Variants in AFF1 observed in about 807,000 individuals in gnomAD.
The protein encoded by AFF1 is AF4/FMR2 family member 1.
A neutral mutation model predicts 121.7 loss-of-function variants in AFF1; 48 were observed. The ratio of observed to expected loss-of-function variants is 0.39; its 90% CI spans 0.31 to 0.50. AFF1 has a LOEUF of 0.50. Ranked by LOEUF, AFF1 falls within the 20% of genes least tolerant of loss-of-function variation. AFF1 has a pLI of 0.76. For missense variants in AFF1, 1,523 were observed against 1,511.7 expected (o/e 1.01, Z -0.12); for synonymous variants, 613 against 563.0 (o/e 1.09, Z -1.26).
At chr4:87,057,807 T>C (rs1720303000) in intron 4 of AFF1, among the ~76,000 whole-genome samples, 1 of 152,144 alleles carries the variant, frequency 6.6e-6, no homozygotes, top group South Asian at 2.1e-4. Flanking sequence ...ATGAAAAGCC[T>C]AGTGAAAGAA....
chr4:86,947,164 A>G (rs1211291178), intron 1 of AFF1, among the ~76,000 whole-genome samples: 3 of 152,168 alleles, frequency 2.0e-5, no homozygotes, highest in Non-Finnish European at 4.4e-5. Context: ...TGGAGAATTG[A>G]GAAAACTTGC....
Position 87,114,835 on chromosome 4 carries a change from C to G in AFF1, c.2002C>G (p.Pro668Ala), listed in dbSNP as rs752507732. The G allele has an allele frequency of 1.4e-5, 22 of 1,613,730 alleles. No individual in the cohort carries two copies. The South Asian group carries it at 1.6e-4, about 12-fold the overall frequency. The change falls in exon 12 of 21, where the codon CCA (proline) becomes GCA (alanine). Residue 668 changes from proline (P) to alanine (A), a missense_variant. Physicochemically the swap from Pro to Ala is conservative, Grantham distance 27 (BLOSUM62 -1). Around this residue, in one of 5 missense-constraint regions of AFF1, gnomAD observed 905 missense variants for 842.5 expected, o/e 1.07. Transcript: ENST00000395146. The part of the protein sequence containing the change: ...PRAAASNEPK[P>A]AVPPSSEKKK... ...GGCCGCAGCAAGCAACGAACCCAAGCCAGCAGTGCCCCCCTCCAGTGAGAA... is the reference window on the plus strand; with the variant it reads ...GGCCGCAGCAAGCAACGAACCCAAGGCAGCAGTGCCCCCCTCCAGTGAGAA...
intron 2 of AFF1, among the ~76,000 whole-genome samples, chr4:86,979,648 G>T (rs895753679): frequency 1.3e-5 from 2 of 152,248 alleles, no homozygotes; most frequent in South Asian, 2.1e-4. Flanking sequence ...AATATGAAAA[G>T]ATACTCAGTC....
At chr4:87,058,522 G>A (rs925845757) in intron 4 of AFF1, among the ~76,000 whole-genome samples, 6 of 149,328 alleles carry the variant, frequency 4.0e-5, no homozygotes, top group African/African-American at 9.9e-5. Context: ...TGCCACCCCC[G>A]CCCCCAAATC....
At chr4:87,017,075 G>A (rs550758329) in intron 2 of AFF1, among the ~76,000 whole-genome samples, 32 of 146,576 alleles carry the variant, frequency 2.2e-4, no homozygotes, top group African/African-American at 7.3e-4. Flanking sequence ...ATATATATGT[G>A]TGTGTGTGTA....
intron 12 of AFF1, among the ~76,000 whole-genome samples, chr4:87,123,954 CAT>C (rs1727966647): frequency 1.3e-5 from 2 of 152,304 alleles, no homozygotes; most frequent in African/African-American, 4.8e-5. Context: ...TCTAAATGCA[CAT>C]GAGAATTAAT....
chr4:86,983,399 G>T (rs1351897571), intron 2 of AFF1, among the ~76,000 whole-genome samples: 1 of 151,976 alleles, frequency 6.6e-6, no homozygotes, highest in Non-Finnish European at 1.5e-5. Flanking sequence ...GGTGGCACAT[G>T]CCTGTAGTCG....
rs566557901 is a variant in AFF1, at chr4:87,140,077, C to G, written c.*4376C>G. On this transcript the variant is annotated 3_prime_UTR_variant, in exon 21 of 21. Coordinates refer to ENST00000395146, the MANE Select transcript of AFF1 (RefSeq NM_001166693.3). ...TACCTAAGAGGGCAGGAGGGAAACC[C>G]TACAGCTCCTTGTGAGCCTATATAT... The G allele has an allele frequency of 4.9e-6, 1 of 205,056 alleles. No homozygotes were observed. The allele number at this position is 205,056 out of a possible 1,614,324, so 12.7% of individuals were successfully genotyped here. A position where few individuals can be genotyped will look rare whatever the true frequency, so the allele number is the denominator to read the frequency against.
intron 12 of AFF1, among the ~76,000 whole-genome samples, chr4:87,123,692 C>G (rs1727943229): frequency 6.6e-6 from 1 of 151,970 alleles, no homozygotes; most frequent in Non-Finnish European, 1.5e-5. Flanking sequence ...TGTTTTTTTT[C>G]TGTTTTCTAT....
At chr4:86,942,593 C>T (rs1720541340) in intron 1 of AFF1, among the ~76,000 whole-genome samples, 1 of 152,224 alleles carries the variant, frequency 6.6e-6, no homozygotes, top group Non-Finnish European at 1.5e-5. Flanking sequence ...TGTTTGTTCT[C>T]AGCCAGTGGT....
intron 14 of AFF1, 88 bp from the exon 15 acceptor site, chr4:87,126,938 A>G: frequency 9.0e-7 from 1 of 1,116,628 alleles, no homozygotes; most frequent in Non-Finnish European, 1.3e-6. Context: ...TGAAACTACT[A>G]TTTCGGGCTA....
chr4:87,124,976 TTC>T, intron 12 of AFF1, 59 bp from the exon 13 acceptor site: 1 of 1,391,618 alleles, frequency 7.2e-7, no homozygotes, highest in Non-Finnish European at 9.6e-7. Context: ...ATATTTTCTT[TTC>T]TGTTTTGTCT....
intron 2 of AFF1, among the ~76,000 whole-genome samples, chr4:86,954,853 A>G (rs1236530353): frequency 1.3e-5 from 2 of 152,242 alleles, no homozygotes; most frequent in Non-Finnish European, 2.9e-5. Flanking sequence ...CTGAAGCAGA[A>G]GAAAATCCAT....
Position 87,046,350 on chromosome 4 carries a change from C to T in AFF1, c.159+64C>T. The T allele has an allele frequency of 7.6e-6, 12 of 1,569,184 alleles. No individual in the cohort carries two copies. The South Asian group carries it at 1.3e-4, about 17-fold the overall frequency. On this transcript the variant is annotated intron_variant, in intron 3 of 20. Coordinates refer to ENST00000395146, the MANE Select transcript of AFF1 (RefSeq NM_001166693.3). ...CACAATGTTGAACCCTATGATGAAA[C>T]AATTCAGTATAATTGAGTTCGAACA...
At chr4:87,131,335 A>G in intron 17 of AFF1, 116 bp downstream of exon 17, 1 of 1,370,154 alleles carries the variant, frequency 7.3e-7, no homozygotes, top group Non-Finnish European at 1.0e-6. Flanking sequence ...GCCTTAAAAA[A>G]GTTATTGGTC....
intron 2 of AFF1, among the ~76,000 whole-genome samples, chr4:87,040,405 AAGTT>A (rs1209814796): frequency 6.6e-6 from 1 of 152,180 alleles, no homozygotes; most frequent in Non-Finnish European, 1.5e-5. Context: ...GAGTGGTTAT[AAGTT>A]AGCACACTTT....
chr4:86,986,035 CAATTCAATTTAATTTAATTT>C lies in AFF1; in HGVS notation c.38+37469_38+37488del, dbSNP rs1219234552. 4.2e-3 allele frequency among the ~76,000 whole-genome samples: 579 copies of C among 137,704 alleles called. 7 individuals are homozygous for C. The highest frequency in any genetic ancestry group is 0.015 in the African/African-American group (541 of 36,158). 90.3% of individuals were successfully genotyped at this position (137,704 alleles called of 152,430 possible). Reference sequence around the variant, plus strand: ...TGAATCCTTTTTTTAAAATTTAATTCAATTCAATTTAATTTAATTTAATTTAATTTAATTTAATTTAATTT... The same window carrying C: ...TGAATCCTTTTTTTAAAATTTAATTCAATTTAATTTAATTTAATTTAATTT... On this transcript the variant is annotated intron_variant, in intron 2 of 20. Transcript: ENST00000395146.
At chr4:86,939,424 C>G (rs949142959) in intron 1 of AFF1, among the ~76,000 whole-genome samples, 1 of 152,134 alleles carries the variant, frequency 6.6e-6, no homozygotes, top group Non-Finnish European at 1.5e-5. Flanking sequence ...GTAAGTAATT[C>G]TTTCTGATCA....
chr4:86,943,754 G>A (rs1720636541), intron 1 of AFF1, among the ~76,000 whole-genome samples: 1 of 151,870 alleles, frequency 6.6e-6, no homozygotes, highest in African/African-American at 2.4e-5. Flanking sequence ...GAGGTCGGGA[G>A]TTTGAGACCA....
Sources: allele counts gnomAD v4.1 joint callset (sites outside exome capture counted in the v4.1 genomes callset), GRCh38; gene constraint gnomAD v4.1.1; regional missense constraint gnomAD v4.1.1; transcripts MANE v1.5; gene names NCBI Gene and HGNC (gene_info 2026-07-23, HGNC 2026-07-21).